The following LRMDA variants were observed in gnomAD, a reference collection of about 807,000 sequenced individuals.
LRMDA encodes the protein leucine rich melanocyte differentiation associated, also known as leucine-rich melanocyte differentiation-associated protein.
LRMDA carries 18 observed loss-of-function variants against 29.8 expected under a neutral mutation model. The observed-to-expected ratio is 0.60, with a 90% confidence interval of 0.42 to 0.90. The LOEUF is 0.90. Among genes scored for constraint, LRMDA ranks in the 40% least tolerant of loss-of-function variants. LRMDA has a pLI of 0.00. For synonymous variants in LRMDA, 125 were observed against 109.4 expected, an observed-to-expected ratio of 1.14 and a Z score of -0.89; for missense variants, 273 against 273.9, an observed-to-expected ratio of 1.00 and a Z score of 0.02.
intron 2 of LRMDA, among the ~76,000 whole-genome samples, chr10:75,683,725 T>G (rs1842051318): frequency 6.6e-6 from 1 of 152,208 alleles, no homozygotes; most frequent in South Asian, 2.1e-4. Context: ...GACTTGTGCA[T>G]GTGGAGGAGA....
At chr10:75,474,536 G>A (rs533488925) in intron 2 of LRMDA, among the ~76,000 whole-genome samples, 6 of 152,284 alleles carry the variant, frequency 3.9e-5, no homozygotes, top group East Asian at 1.9e-4. Flanking sequence ...CCATCATCTC[G>A]AGGGTGAGGA....
At chr10:75,813,529 T>G (rs904031338) in intron 2 of LRMDA, among the ~76,000 whole-genome samples, 3 of 152,124 alleles carry the variant, frequency 2.0e-5, no homozygotes, top group Non-Finnish European at 4.4e-5. Context: ...CAAACTTAGG[T>G]CTCCTTTCAT....
At chr10:76,059,226 CG>C (rs1848666022) in intron 5 of LRMDA, among the ~76,000 whole-genome samples, 1 of 151,970 alleles carries the variant, frequency 6.6e-6, no homozygotes, top group Admixed American at 6.6e-5. Context: ...AAGGGCTCCA[CG>C]GCCCTCTGAG....
intron 2 of LRMDA, among the ~76,000 whole-genome samples, chr10:75,584,294 G>C (rs982027247): frequency 2.0e-5 from 3 of 152,052 alleles, no homozygotes; most frequent in African/African-American, 7.2e-5. Flanking sequence ...ACCTCTGCTA[G>C]GAATCGTCTC....
Position 75,456,062 on chromosome 10 carries a change from C to A in LRMDA, c.131+17568C>A, listed in dbSNP as rs141964660. Among the ~76,000 whole-genome samples, 273 of 152,344 alleles carry A rather than the reference C, an allele frequency of 1.8e-3. 2 individuals are homozygous for A. The highest frequency in any genetic ancestry group is 2.6e-3 in the Non-Finnish European group (179 of 68,032). On this transcript the variant is annotated intron_variant, in intron 2 of 6. Transcript: ENST00000611255. The stretch of plus-strand genomic sequence containing the variant: ...GGTGATTCTGGGACATAGAAGCTGG[C>A]CATGCCAGAGTCTTTCAGAGAGGCC...
chr10:76,529,386 T>C (rs1451363596), intron 6 of LRMDA, among the ~76,000 whole-genome samples: 1 of 152,134 alleles, frequency 6.6e-6, no homozygotes, highest in East Asian at 1.9e-4. Context: ...CTGAACTCCT[T>C]ATGTGCAGAA....
chr10:76,340,536 A>AAAG (rs1016856830), intron 6 of LRMDA, among the ~76,000 whole-genome samples: 1 of 149,800 alleles, frequency 6.7e-6, no homozygotes, highest in Non-Finnish European at 1.5e-5. Flanking sequence ...AAAAAAAAAA[A>AAAG]AGAGAGAGAG....
intron 5 of LRMDA, among the ~76,000 whole-genome samples, chr10:76,177,975 A>G (rs1430699156): frequency 1.3e-5 from 2 of 152,164 alleles, no homozygotes; most frequent in Non-Finnish European, 2.9e-5. Flanking sequence ...TTGCTCCCCC[A>G]TGCTGCTTAG....
intron 5 of LRMDA, among the ~76,000 whole-genome samples, chr10:76,319,472 G>T (rs1840742397): frequency 6.6e-6 from 1 of 152,158 alleles, no homozygotes; most frequent in South Asian, 2.1e-4. Flanking sequence ...GTATGGGAGT[G>T]TGAGGGACAC....
intron 2 of LRMDA, among the ~76,000 whole-genome samples, chr10:75,808,757 C>G (rs986050008): frequency 2.0e-5 from 3 of 152,180 alleles, no homozygotes; most frequent in African/African-American, 7.2e-5. Context: ...ATCCGCCCAC[C>G]TCGGCCTCCC....
intron 2 of LRMDA, among the ~76,000 whole-genome samples, chr10:75,778,298 G>T (rs1843338787): frequency 6.6e-6 from 1 of 152,020 alleles, no homozygotes; most frequent in African/African-American, 2.4e-5. Context: ...AGATGATCTC[G>T]AACTCCTGGC....
chr10:75,977,639 G>T (rs1847097478), intron 2 of LRMDA, among the ~76,000 whole-genome samples: 1 of 152,202 alleles, frequency 6.6e-6, no homozygotes, highest in African/African-American at 2.4e-5. Context: ...GCATTTGCTA[G>T]GGCCCCCAGG....
intron 5 of LRMDA, among the ~76,000 whole-genome samples, chr10:76,223,743 T>C (rs1427811510): frequency 6.6e-6 from 1 of 152,182 alleles, no homozygotes; most frequent in Non-Finnish European, 1.5e-5. Flanking sequence ...CCTCCAGAAC[T>C]GTGAGAAAAT....
chr10:75,526,197 A>G (rs1845411044), intron 2 of LRMDA, among the ~76,000 whole-genome samples: 1 of 151,784 alleles, frequency 6.6e-6, no homozygotes, highest in African/African-American at 2.4e-5. Context: ...TCCAGAGTAG[A>G]AGGGACCACA....
rs968038949 is a variant in LRMDA, at chr10:75,495,675, G to A, written c.131+57181G>A. 3.9e-5 allele frequency among the ~76,000 whole-genome samples: 6 copies of A among 152,318 alleles called. No individual in the cohort carries two copies. The East Asian group carries it at 1.2e-3, about 29-fold the overall frequency. ...CCAGAGTCCTGCCACTTATGGGGAT[G>A]AATACACTTTACCTCATAGAAGTCC... On this transcript the variant is annotated intron_variant, in intron 2 of 6. Coordinates refer to ENST00000611255, the MANE Select transcript of LRMDA (RefSeq NM_001305581.2).
chr10:75,829,467 GA>G (rs1554828491), intron 2 of LRMDA, among the ~76,000 whole-genome samples: 1 of 151,820 alleles, frequency 6.6e-6, no homozygotes, highest in Non-Finnish European at 1.5e-5. Flanking sequence ...TTTTTGGAAA[GA>G]AAAAAGGAAA....
chr10:75,940,701 C>T (rs1846375295), intron 2 of LRMDA, among the ~76,000 whole-genome samples: 1 of 151,986 alleles, frequency 6.6e-6, no homozygotes, highest in Non-Finnish European at 1.5e-5. Context: ...GTGTCTTGTG[C>T]TTAGTAGGTG....
At chr10:76,101,420 C>T (rs776978737) in intron 5 of LRMDA, among the ~76,000 whole-genome samples, 7 of 151,990 alleles carry the variant, frequency 4.6e-5, no homozygotes, top group Non-Finnish European at 1.0e-4. Flanking sequence ...ATGTATTCAC[C>T]CTTATTATCC....
intron 2 of LRMDA, among the ~76,000 whole-genome samples, chr10:75,487,378 G>T (rs1474566423): frequency 6.6e-6 from 1 of 152,174 alleles, no homozygotes; most frequent in African/African-American, 2.4e-5. Context: ...AGATGGATGG[G>T]TCTGGAGCCA....
Sources: gnomAD v4.1 joint callset for allele counts (sites outside exome capture counted in the v4.1 genomes callset) on GRCh38, gnomAD v4.1.1 for gene constraint, MANE v1.5 for transcripts, NCBI Gene and HGNC (gene_info 2026-07-23, HGNC 2026-07-21) for gene names.